Variants in KRTAP8-1 observed in about 807,000 individuals in gnomAD.
KRTAP8-1 encodes keratin associated protein 8-1.
Under a neutral mutation model 5.5 loss-of-function variants are expected in KRTAP8-1, and 4 were observed. The ratio of observed to expected loss-of-function variants is 0.73; its 90% CI spans 0.36 to 1.67. KRTAP8-1 has a LOEUF of 1.67. Among genes scored for constraint, KRTAP8-1 ranks in the 40% most tolerant of loss-of-function variants. KRTAP8-1 has a pLI of 0.05. For synonymous variants in KRTAP8-1, 35 were observed against 34.6 expected, an observed-to-expected ratio of 1.01 and a Z score of -0.04; for missense variants, 79 against 80.3, an observed-to-expected ratio of 0.98 and a Z score of 0.06.
chr21:30,813,093 C>G lies in KRTAP8-1; in HGVS notation c.128G>C (p.Gly43Ala), dbSNP rs1984888026. Reference protein sequence around the residue: ...STYSPVGYGFGYGYNGCGAFG... With the variant: ...STYSPVGYGFAYGYNGCGAFG... Reference sequence around the variant, plus strand: ...AGCCCCACAGCCGTTGTAGCCATAGCCGAAGCCATAGCCCACTGGAGAGTA... The same window carrying G: ...AGCCCCACAGCCGTTGTAGCCATAGGCGAAGCCATAGCCCACTGGAGAGTA... The change falls in exon 1 of 1, where the codon GGC becomes GCC. Residue 43 changes from glycine to alanine, a missense_variant. By Grantham distance (60) the Gly-to-Ala change is moderately conservative. Coordinates refer to ENST00000329621, the MANE Select transcript of KRTAP8-1 (RefSeq NM_175857.4). 4 of 1,614,026 alleles carry G rather than the reference C, an allele frequency of 2.5e-6. No homozygotes were observed. The highest frequency in any genetic ancestry group is 2.7e-5 in the African/African-American group (2 of 74,922).
At position 30,813,080 on chromosome 21, in the gene KRTAP8-1, G is replaced by A. The variant is rs368738418; in HGVS notation, c.141C>T (p.Asn47=). The change falls in exon 1 of 1, where the codon AAC becomes AAT. Residue 47 remains asparagine, a synonymous_variant. Transcript: ENST00000329621. ...PVGYGFGYGY[N]GCGAFGYRRY... The stretch of plus-strand genomic sequence containing the variant: ...TCCTGTAGCCGAAAGCCCCACAGCC[G>A]TTGTAGCCATAGCCGAAGCCATAGC... 142 of 1,613,994 alleles carry A rather than the reference G, an allele frequency of 8.8e-5. No homozygotes were observed. The highest frequency in any genetic ancestry group is 9.7e-5 in the Non-Finnish European group (114 of 1,179,996).
chr21:30,812,883 C>A lies in KRTAP8-1; in HGVS notation c.*146G>T. ...AGCGTCTGCTTTTTCATTTTCCTCC[C>A]CTGGGACTCGAGGTAAGTTGGAAAG... On this transcript the variant is annotated 3_prime_UTR_variant, in exon 1 of 1. Coordinates refer to ENST00000329621, the MANE Select transcript of KRTAP8-1 (RefSeq NM_175857.4). 1 of 707,404 alleles carries A rather than the reference C, an allele frequency of 1.4e-6. No homozygotes were observed. Among genetic ancestry groups the A allele is most frequent in the Non-Finnish European group, 2.2e-6 (1 of 460,038 alleles). The allele number at this position is 707,404 out of a possible 1,614,324, so 43.8% of individuals were successfully genotyped here.
rs767985713 is a variant in KRTAP8-1, at chr21:30,813,227, G to C, written c.-7C>G. ...GGAAGTTGTCGCAGAGCATGGTGTC[G>C]GGAGTGGAGGGCTTAGGTAGCAACA... On this transcript the variant is annotated 5_prime_UTR_variant, in exon 1 of 1. Coordinates refer to ENST00000329621, the MANE Select transcript of KRTAP8-1 (RefSeq NM_175857.4). 1 of 1,613,038 alleles carries C rather than the reference G, an allele frequency of 6.2e-7. No individual in the cohort carries two copies. Among genetic ancestry groups the C allele is most frequent in the African/African-American group, 1.3e-5 (1 of 74,890 alleles).
chr21:30,813,130 A>G lies in KRTAP8-1; in HGVS notation c.91T>C (p.Tyr31His). 1 of 1,613,888 alleles carries G rather than the reference A, an allele frequency of 6.2e-7. No homozygotes were observed. The highest frequency in any genetic ancestry group is 8.5e-7 in the Non-Finnish European group (1 of 1,179,742). Residue 31 changes from tyrosine (Y) to histidine (H), a missense_variant, in exon 1 of 1, where the codon TAT becomes CAT. By Grantham distance (83) the Tyr-to-His change is moderately conservative. Coordinates refer to ENST00000329621, the MANE Select transcript of KRTAP8-1 (RefSeq NM_175857.4). ...YPLGYSVGCGYGSTYSPVGYG... is the reference protein window; with the variant it reads ...YPLGYSVGCGHGSTYSPVGYG... ...CCCACTGGAGAGTAGGTGCTGCCAT[A>G]GCCACAGCCAACGCTATATCCCAGC...
chr21:30,813,242 AG>A lies in KRTAP8-1; in HGVS notation c.-23del, dbSNP rs1568945226. ...GCATGGTGTCGGGAGTGGAGGGCTT[AG>A]GTAGCAACAGAGTGCGTTTCCTCAG... On this transcript the variant is annotated 5_prime_UTR_variant, in exon 1 of 1. Coordinates refer to ENST00000329621, the MANE Select transcript of KRTAP8-1 (RefSeq NM_175857.4). 1.2e-6 allele frequency: 2 copies of A among 1,610,454 alleles called. No individual in the cohort carries two copies. Among genetic ancestry groups the A allele is most frequent in the Admixed American group, 1.7e-5 (1 of 59,848 alleles).
In KRTAP8-1 at chr21:30,813,051, T is replaced by G. The variant is rs1410314375; in HGVS notation, c.170A>C (p.Tyr57Ser). 1 of 1,613,746 alleles carries G rather than the reference T, an allele frequency of 6.2e-7. No individual in the cohort carries two copies. Among genetic ancestry groups the G allele is most frequent in the African/African-American group, 1.3e-5 (1 of 74,864 alleles). ...NGCGAFGYRR[Y>S]SPFALY ...CAATCAGTAGAGAGCAAATGGCGAG[T>G]ATCTCCTGTAGCCGAAAGCCCCACA... The change falls in exon 1 of 1, where the codon TAC (tyrosine) becomes TCC (serine). Residue 57 changes from tyrosine to serine, a missense_variant. Transcript: ENST00000329621.
chr21:30,812,964 A>G lies in KRTAP8-1; in HGVS notation c.*65T>C. ...GACTGAAGGAGTGGATACGGGGGGA[A>G]CCTGGAGATGTGGGGCTCAGCCTTC... On this transcript the variant is annotated 3_prime_UTR_variant, in exon 1 of 1. Transcript: ENST00000329621. 2 of 1,500,964 alleles carry G rather than the reference A, an allele frequency of 1.3e-6. No homozygotes were observed. Among genetic ancestry groups the G allele is most frequent in the Non-Finnish European group, 1.8e-6 (2 of 1,098,788 alleles). The allele number at this position is 1,500,964 out of a possible 1,614,324, so 93.0% of individuals were successfully genotyped here.
In KRTAP8-1 at chr21:30,813,098, G is replaced by A. The variant is rs1349809533; in HGVS notation, c.123C>T (p.Gly41=). Reference sequence around the variant, plus strand: ...CACAGCCGTTGTAGCCATAGCCGAAGCCATAGCCCACTGGAGAGTAGGTGC... The same window carrying A: ...CACAGCCGTTGTAGCCATAGCCGAAACCATAGCCCACTGGAGAGTAGGTGC... ...YGSTYSPVGY[G]FGYGYNGCGA... The change falls in exon 1 of 1, where the codon GGC becomes GGT. Residue 41 remains glycine, a synonymous_variant. Coordinates refer to ENST00000329621, the MANE Select transcript of KRTAP8-1 (RefSeq NM_175857.4). The A allele has an allele frequency of 1.2e-6, 2 of 1,614,092 alleles. No individual in the cohort carries two copies. The highest frequency in any genetic ancestry group is 4.5e-5 in the East Asian group (2 of 44,870).
rs1729913956 is a variant in KRTAP8-1 at position 30,812,932 on chromosome 21, A to G, written c.*97T>C. ...AGCAGTGTCTCTGAGGTTGATGAGC[A>G]AATGAGGACTGAAGGAGTGGATACG... On this transcript the variant is annotated 3_prime_UTR_variant, in exon 1 of 1. Transcript: ENST00000329621. 4.2e-6 allele frequency: 5 copies of G among 1,185,224 alleles called. No individual in the cohort carries two copies. In the African/African-American group the frequency reaches 6.2e-5, roughly 15 times the overall value. The allele number at this position is 1,185,224 out of a possible 1,614,324, so 73.4% of individuals were successfully genotyped here.
rs1372915392 is a variant in KRTAP8-1, at chr21:30,812,976, G to C, written c.*53C>G. 1.3e-6 allele frequency: 2 copies of C among 1,552,796 alleles called. No homozygotes were observed. Among genetic ancestry groups the C allele is most frequent in the African/African-American group, 1.4e-5 (1 of 73,612 alleles). On this transcript the variant is annotated 3_prime_UTR_variant, in exon 1 of 1. Coordinates refer to ENST00000329621, the MANE Select transcript of KRTAP8-1 (RefSeq NM_175857.4). ...GGATACGGGGGGAACCTGGAGATGTGGGGCTCAGCCTTCAAGGGAGAGAAG... is the reference window on the plus strand; with the variant it reads ...GGATACGGGGGGAACCTGGAGATGTCGGGCTCAGCCTTCAAGGGAGAGAAG...
chr21:30,812,908 G>T lies in KRTAP8-1; in HGVS notation c.*121C>A. On this transcript the variant is annotated 3_prime_UTR_variant, in exon 1 of 1. Coordinates refer to ENST00000329621, the MANE Select transcript of KRTAP8-1 (RefSeq NM_175857.4). ...CCTGGGACTCGAGGTAAGTTGGAAA[G>T]CAGTGTCTCTGAGGTTGATGAGCAA... is the stretch of plus-strand genomic sequence containing the variant. 2 of 882,822 alleles carry T rather than the reference G, an allele frequency of 2.3e-6. No individual in the cohort carries two copies. Among genetic ancestry groups the T allele is most frequent in the Non-Finnish European group, 1.7e-6 (1 of 605,150 alleles). The allele number at this position is 882,822 out of a possible 1,614,324, so 54.7% of individuals were successfully genotyped here.
chr21:30,813,226 C>G lies in KRTAP8-1; in HGVS notation c.-6G>C. 1 of 1,613,188 alleles carries G rather than the reference C, an allele frequency of 6.2e-7. No homozygotes were observed. The highest frequency in any genetic ancestry group is 8.5e-7 in the Non-Finnish European group (1 of 1,179,536). ...GGGAAGTTGTCGCAGAGCATGGTGT[C>G]GGGAGTGGAGGGCTTAGGTAGCAAC... On this transcript the variant is annotated 5_prime_UTR_variant, in exon 1 of 1. Coordinates refer to ENST00000329621, the MANE Select transcript of KRTAP8-1 (RefSeq NM_175857.4).
Position 30,813,064 on chromosome 21 carries a change from C to T in KRTAP8-1, c.157G>A (p.Gly53Ser), listed in dbSNP as rs1044624220. 3 of 1,613,982 alleles carry T rather than the reference C, an allele frequency of 1.9e-6. No homozygotes were observed. Among genetic ancestry groups the T allele is most frequent in the Non-Finnish European group, 2.5e-6 (3 of 1,179,932 alleles). ...GCAAATGGCGAGTATCTCCTGTAGC[C>T]GAAAGCCCCACAGCCGTTGTAGCCA... ...GYGYNGCGAF[G>S]YRRYSPFALY The change falls in exon 1 of 1, where the codon GGC becomes AGC. Residue 53 changes from glycine (G) to serine (S), a missense_variant. Physicochemically the swap from Gly to Ser is moderately conservative, Grantham distance 56. Transcript: ENST00000329621.
Position 30,813,168 on chromosome 21 carries a change from C to T in KRTAP8-1, c.53G>A (p.Ser18Asn). Reference sequence around the variant, plus strand: ...GCTATATCCCAGCGGGTAGCCATAGCTGCCCCAGTAGCATCCTGGGAAGAC... The same window carrying T: ...GCTATATCCCAGCGGGTAGCCATAGTTGCCCCAGTAGCATCCTGGGAAGAC... ...GAVFPGCYWG[S>N]YGYPLGYSVG... Residue 18 changes from serine to asparagine, a missense_variant, in exon 1 of 1, where the codon AGC becomes AAC. Ser to Asn is a conservative substitution (Grantham distance 46). Coordinates refer to ENST00000329621, the MANE Select transcript of KRTAP8-1 (RefSeq NM_175857.4). 1.2e-6 allele frequency: 2 copies of T among 1,614,126 alleles called. No homozygotes were observed. The highest frequency in any genetic ancestry group is 2.2e-5 in the East Asian group (1 of 44,864).
chr21:30,812,846 G>T lies in KRTAP8-1; in HGVS notation c.*183C>A. The T allele has an allele frequency of 1.9e-6, 1 of 530,394 alleles. No homozygotes were observed. Among genetic ancestry groups the T allele is most frequent in the Non-Finnish European group, 3.2e-6 (1 of 315,158 alleles). 32.9% of individuals were successfully genotyped at this position (530,394 alleles called of 1,614,324 possible). A position where few individuals can be genotyped will look rare whatever the true frequency, so the allele number is the denominator to read the frequency against. On this transcript the variant is annotated 3_prime_UTR_variant, in exon 1 of 1. Coordinates refer to ENST00000329621, the MANE Select transcript of KRTAP8-1 (RefSeq NM_175857.4). ...TCCCAGAGAACATCAGCCAGGGGAG[G>T]CAGCTTGAGGAAGCGTCTGCTTTTT...
chr21:30,813,055 T>C lies in KRTAP8-1; in HGVS notation c.166A>G (p.Arg56Gly). The change falls in exon 1 of 1, where the codon AGA becomes GGA. Residue 56 changes from arginine to glycine, a missense_variant. Transcript: ENST00000329621. ...YNGCGAFGYR[R>G]YSPFALY is the part of the protein sequence containing the mutation. ...CAGTAGAGAGCAAATGGCGAGTATC[T>C]CCTGTAGCCGAAAGCCCCACAGCCG... 1 of 1,613,986 alleles carries C rather than the reference T, an allele frequency of 6.2e-7. No homozygotes were observed. The highest frequency in any genetic ancestry group is 1.1e-5 in the South Asian group (1 of 91,066).
Position 30,813,167 on chromosome 21 carries a change from G to A in KRTAP8-1, c.54C>T (p.Ser18=), listed in dbSNP as rs1331135961. 6.2e-7 allele frequency: 1 copy of A among 1,614,022 alleles called. No homozygotes were observed. The highest frequency in any genetic ancestry group is 8.5e-7 in the Non-Finnish European group (1 of 1,180,004). Reference sequence around the variant, plus strand: ...CGCTATATCCCAGCGGGTAGCCATAGCTGCCCCAGTAGCATCCTGGGAAGA... The same window carrying A: ...CGCTATATCCCAGCGGGTAGCCATAACTGCCCCAGTAGCATCCTGGGAAGA... ...GAVFPGCYWG[S]YGYPLGYSVG... is the part of the protein sequence containing the mutation. Residue 18 remains serine, a synonymous_variant, in exon 1 of 1, where the codon AGC becomes AGT. Coordinates refer to ENST00000329621, the MANE Select transcript of KRTAP8-1 (RefSeq NM_175857.4).
Position 30,812,999 on chromosome 21 carries a change from A to T in KRTAP8-1, c.*30T>A. 6.2e-7 allele frequency: 1 copy of T among 1,601,670 alleles called. No homozygotes were observed. Among genetic ancestry groups the T allele is most frequent in the Non-Finnish European group, 8.5e-7 (1 of 1,172,906 alleles). The stretch of plus-strand genomic sequence containing the variant: ...GTGGGGCTCAGCCTTCAAGGGAGAG[A>T]AGATGCTACACCTCGGGGATTTCAG... On this transcript the variant is annotated 3_prime_UTR_variant, in exon 1 of 1. Transcript: ENST00000329621.
Position 30,812,994 on chromosome 21 carries a change from G to A in KRTAP8-1, c.*35C>T, listed in dbSNP as rs761620524. On this transcript the variant is annotated 3_prime_UTR_variant, in exon 1 of 1. Transcript: ENST00000329621. Reference sequence around the variant, plus strand: ...GAGATGTGGGGCTCAGCCTTCAAGGGAGAGAAGATGCTACACCTCGGGGAT... The same window carrying A: ...GAGATGTGGGGCTCAGCCTTCAAGGAAGAGAAGATGCTACACCTCGGGGAT... 2.5e-6 allele frequency: 4 copies of A among 1,597,662 alleles called. No homozygotes were observed. The highest frequency in any genetic ancestry group is 2.2e-5 in the East Asian group (1 of 44,722).
Sources: allele counts gnomAD v4.1 joint callset, GRCh38; gene constraint gnomAD v4.1.1; transcripts MANE v1.5; gene names NCBI Gene and HGNC (gene_info 2026-07-23, HGNC 2026-07-21).